The following TNKS variants were observed in gnomAD, a reference collection of about 807,000 sequenced individuals.
TNKS encodes the protein poly [ADP-ribose] polymerase tankyrase-1.
In TNKS, 72 loss-of-function variants were observed where a neutral mutation model predicts 135.8. The observed-to-expected ratio is 0.53, with a 90% CI of 0.44 to 0.64. The LOEUF is 0.64. Ranked by LOEUF, TNKS falls within the 30% of genes least tolerant of loss-of-function variation. TNKS has a pLI of 0.00. For missense variants in TNKS, 1,769 were observed against 1,674.0 expected (o/e 1.06, Z -0.99); for synonymous variants, 849 against 649.3 (o/e 1.31, Z -4.68).
chr8:9,671,488 G>A (rs535593131), intron 3 of TNKS, among the ~76,000 whole-genome samples: 66 of 152,278 alleles, frequency 4.3e-4, no homozygotes, highest in African/African-American at 1.5e-3. Flanking sequence ...TTTATACTAA[G>A]TAAAAGATAC....
intron 3 of TNKS, among the ~76,000 whole-genome samples, chr8:9,666,846 A>T (rs1585302659): frequency 6.6e-6 from 1 of 152,210 alleles, no homozygotes; most frequent in South Asian, 2.1e-4. Flanking sequence ...GGAGGTTCAT[A>T]ATAATTGGCC....
At chr8:9,568,872 G>T (rs1454474015) in intron 1 of TNKS, among the ~76,000 whole-genome samples, 1 of 152,130 alleles carries the variant, frequency 6.6e-6, no homozygotes, top group Non-Finnish European at 1.5e-5. Flanking sequence ...AGAATCTGAA[G>T]CCAAATCAGT....
At chr8:9,695,240 A>G (rs1182436381) in intron 5 of TNKS, among the ~76,000 whole-genome samples, 6 of 152,370 alleles carry the variant, frequency 3.9e-5, no homozygotes, top group African/African-American at 2.4e-5. Context: ...TTATGAATCC[A>G]TAAGAACTTT....
intron 5 of TNKS, among the ~76,000 whole-genome samples, chr8:9,689,001 C>G (rs1007561537): frequency 6.6e-6 from 1 of 152,164 alleles, no homozygotes; most frequent in African/African-American, 2.4e-5. Flanking sequence ...GGTTCCCACC[C>G]TTATGACCTC....
At chr8:9,617,886 C>T (rs777077177) in intron 3 of TNKS, among the ~76,000 whole-genome samples, 63 of 151,492 alleles carry the variant, frequency 4.2e-4, no homozygotes, top group Admixed American at 2.6e-4. Context: ...AGTATCTCAT[C>T]GTTTTATGTT....
intron 3 of TNKS, among the ~76,000 whole-genome samples, chr8:9,652,755 A>T (rs1436581467): frequency 3.3e-5 from 5 of 152,132 alleles, no homozygotes; most frequent in Non-Finnish European, 5.9e-5. Context: ...CATCACTATC[A>T]TCTTGTGTTA....
rs1422593463 is a variant in TNKS at position 9,709,973 on chromosome 8, C to G, written c.1597C>G (p.Leu533Val). ...TTTATAGCACTGTGCTGTGGCCTCT[C>G]TGCATCCCAAACGTAAACAAGTGAC... ...ETALHCAVAS[L>V]HPKRKQVTEL... The change falls in exon 10 of 27, where the codon CTG becomes GTG. Residue 533 changes from leucine (L) to valine (V), a missense_variant. By Grantham distance (32) the Leu-to-Val change is conservative. Transcript: ENST00000310430. 1 of 1,613,792 alleles carries G rather than the reference C, an allele frequency of 6.2e-7. No individual in the cohort carries two copies. The highest frequency in any genetic ancestry group is 1.1e-5 in the South Asian group (1 of 91,048).
At chr8:9,661,116 C>T (rs1229046852) in intron 3 of TNKS, among the ~76,000 whole-genome samples, 1 of 152,024 alleles carries the variant, frequency 6.6e-6, no homozygotes, top group African/African-American at 2.4e-5. Context: ...ATTCCATGCT[C>T]ATGGGTAGGA....
At chr8:9,609,541 G>T (rs534517626) in intron 2 of TNKS, among the ~76,000 whole-genome samples, 1 of 152,276 alleles carries the variant, frequency 6.6e-6, no homozygotes, top group South Asian at 2.1e-4. Flanking sequence ...TGAAATGACA[G>T]ATTTTATTTT....
chr8:9,566,025 C>T (rs573491787), intron 1 of TNKS, among the ~76,000 whole-genome samples: 2 of 152,058 alleles, frequency 1.3e-5, no homozygotes, highest in Admixed American at 6.6e-5. Context: ...TTGAAAAGTT[C>T]TGATGCCCTC....
At chr8:9,675,476 A>G (rs542130158) in intron 3 of TNKS, among the ~76,000 whole-genome samples, 1 of 152,314 alleles carries the variant, frequency 6.6e-6, no homozygotes, top group East Asian at 1.9e-4. Context: ...AAGGTATGCT[A>G]TGGAAAATGC....
intron 2 of TNKS, among the ~76,000 whole-genome samples, chr8:9,605,941 T>A (rs1799200421): frequency 6.6e-6 from 1 of 152,008 alleles, no homozygotes; most frequent in Non-Finnish European, 1.5e-5. Context: ...AAGTTCTTAA[T>A]TTTGATAAAA....
intron 11 of TNKS, among the ~76,000 whole-genome samples, chr8:9,711,486 G>A (rs1804332318): frequency 1.3e-5 from 2 of 152,188 alleles, no homozygotes; most frequent in Admixed American, 1.3e-4. Context: ...GATCAGAGTA[G>A]TGACCCTGAC....
chr8:9,643,990 C>G (rs1346003857), intron 3 of TNKS, among the ~76,000 whole-genome samples: 1 of 152,134 alleles, frequency 6.6e-6, no homozygotes, highest in Non-Finnish European at 1.5e-5. Flanking sequence ...GAACCTTGAA[C>G]ACATTTTGCT....
At chr8:9,692,633 A>G (rs540481070) in intron 5 of TNKS, among the ~76,000 whole-genome samples, 9 of 152,342 alleles carry the variant, frequency 5.9e-5, no homozygotes, top group Admixed American at 4.6e-4. Context: ...ACATACGGCT[A>G]TTAGAGAATC....
intron 2 of TNKS, among the ~76,000 whole-genome samples, chr8:9,604,976 A>G (rs576419265): frequency 4.2e-4 from 64 of 152,138 alleles, no homozygotes; most frequent in African/African-American, 1.4e-3. Context: ...ACCCTCTATA[A>G]AGCTTTTAAA....
intron 17 of TNKS, among the ~76,000 whole-genome samples, chr8:9,742,203 A>T (rs944075034): frequency 6.6e-6 from 1 of 151,812 alleles, no homozygotes; most frequent in Non-Finnish European, 1.5e-5. Context: ...TCACTCAAAA[A>T]TTTTTTTCAT....
At chr8:9,728,699 G>A (rs4413778) in intron 13 of TNKS, among the ~76,000 whole-genome samples, 125,302 of 152,070 alleles carry the variant, frequency 0.82, 51,785 homozygotes, top group Middle Eastern at 0.88. Flanking sequence ...CAATTATGCT[G>A]TTTATATATT....
chr8:9,693,958 A>G (rs571097202), intron 5 of TNKS, among the ~76,000 whole-genome samples: 14 of 152,316 alleles, frequency 9.2e-5, no homozygotes, highest in African/African-American at 3.1e-4. Context: ...TACTGGGCAA[A>G]TCAGGACAAG....
Sources: gnomAD v4.1 joint callset for allele counts (sites outside exome capture counted in the v4.1 genomes callset) on GRCh38, gnomAD v4.1.1 for gene constraint, MANE v1.5 for transcripts, NCBI Gene and HGNC (gene_info 2026-07-23, HGNC 2026-07-21) for gene names.